Variants in MED13L observed in about 807,000 individuals in gnomAD.
The protein encoded by MED13L is mediator complex subunit 13L.
A neutral mutation model predicts 220.9 loss-of-function variants in MED13L; 7 were observed. The ratio of observed to expected loss-of-function variants is 0.03; its 90% CI spans 0.02 to 0.06. MED13L has a LOEUF of 0.06. Among genes scored for constraint, MED13L ranks in the 10% least tolerant of loss-of-function variants. The pLI is 1.00. For missense variants in MED13L, 1,965 were observed against 2,760.5 expected (o/e 0.71, Z 6.46); for synonymous variants, 1,011 against 1,015.2 (o/e 1.00, Z 0.08).
At chr12:116,007,662 A>G (rs1252318174) in intron 10 of MED13L, 26 bp from the exon 11 acceptor site, 3 of 1,567,046 alleles carry the variant, frequency 1.9e-6, no homozygotes, top group Non-Finnish European at 1.7e-6. Flanking sequence ...AAAAAAAAAA[A>G]AAAGAGCATT....
At chr12:116,269,735 GA>G (rs1346348471) in intron 1 of MED13L, among the ~76,000 whole-genome samples, 2 of 152,152 alleles carry the variant, frequency 1.3e-5, no homozygotes, top group Non-Finnish European at 2.9e-5. Flanking sequence ...ACAAAATGTA[GA>G]AAGCTGTCAG....
intron 3 of MED13L, among the ~76,000 whole-genome samples, chr12:116,105,166 CA>C (rs1873447508): frequency 6.6e-6 from 1 of 152,046 alleles, no homozygotes; most frequent in African/African-American, 2.4e-5. Context: ...TATTGATAGC[CA>C]AAGTACTTTT....
Position 116,096,872 on chromosome 12 carries a change from A to C in MED13L, c.396-120T>G, listed in dbSNP as rs956563503. On this transcript the variant is annotated intron_variant, in intron 3 of 30. Coordinates refer to ENST00000281928, the MANE Select transcript of MED13L (RefSeq NM_015335.5). ...TAAAAACACCACCAATTAAACTATC[A>C]AAATGTTTTATCACTTAAAATTTTT... is the stretch of plus-strand genomic sequence containing the variant. The C allele has an allele frequency of 4.0e-6, 3 of 749,636 alleles. No homozygotes were observed. The African/African-American group carries it at 5.3e-5, about 13-fold the overall frequency. 46.4% of individuals were successfully genotyped at this position (749,636 alleles called of 1,614,324 possible).
chr12:116,084,082 G>A (rs1283959673), intron 4 of MED13L, among the ~76,000 whole-genome samples: 1 of 152,192 alleles, frequency 6.6e-6, no homozygotes, highest in African/African-American at 2.4e-5. Context: ...TTCAAACACT[G>A]AGCCATGTTC....
intron 1 of MED13L, among the ~76,000 whole-genome samples, chr12:116,266,662 G>A (rs893662221): frequency 6.6e-6 from 1 of 152,154 alleles, no homozygotes; most frequent in East Asian, 1.9e-4. Context: ...CAATATACAA[G>A]GTAAATAGGC....
At chr12:116,163,701 T>C (rs911000922) in intron 2 of MED13L, among the ~76,000 whole-genome samples, 1 of 152,190 alleles carries the variant, frequency 6.6e-6, no homozygotes, top group Admixed American at 6.5e-5. Flanking sequence ...CAAAAATTCA[T>C]AGTAAAGCCC....
At position 116,225,430 on chromosome 12, in the gene MED13L, A is replaced by G. The variant is rs192079233; in HGVS notation, c.310+12038T>C. ...CTTTGTTATACTCTTCATGAAACCA[A>G]TAAACGGCATGACAAATGTTTCCAA... On this transcript the variant is annotated intron_variant, in intron 2 of 30. Transcript: ENST00000281928. Among the ~76,000 whole-genome samples the G allele has an allele frequency of 9.2e-5, 14 of 152,306 alleles. No homozygotes were observed. The East Asian group carries it at 2.7e-3, about 29-fold the overall frequency.
At chr12:116,154,076 A>C (rs1878255913) in intron 2 of MED13L, among the ~76,000 whole-genome samples, 1 of 152,226 alleles carries the variant, frequency 6.6e-6, no homozygotes, top group Non-Finnish European at 1.5e-5. Context: ...ATACTTACTG[A>C]ATTTTCTATG....
At chr12:116,206,702 T>C (rs1340305143) in intron 2 of MED13L, among the ~76,000 whole-genome samples, 1 of 152,078 alleles carries the variant, frequency 6.6e-6, no homozygotes, top group African/African-American at 2.4e-5. Context: ...AGCACTGATA[T>C]ACAACTGAGT....
At chr12:116,241,335 A>AC (rs1197060758) in intron 1 of MED13L, among the ~76,000 whole-genome samples, 21 of 150,644 alleles carry the variant, frequency 1.4e-4, no homozygotes, top group African/African-American at 4.9e-4. Context: ...AAAAAAACAA[A>AC]AAAAAAACAC....
At chr12:116,008,325 A>G (rs1409238785) in intron 10 of MED13L, 76 bp downstream of exon 10, 2 of 1,516,974 alleles carry the variant, frequency 1.3e-6, no homozygotes, top group Non-Finnish European at 1.8e-6. Flanking sequence ...TGAATCTGAA[A>G]GTTTAGCAGG....
Position 116,085,259 on chromosome 12 carries a change from C to T in MED13L, c.479+11410G>A, listed in dbSNP as rs556357712. The stretch of plus-strand genomic sequence containing the variant: ...ACTGTAGGCTTTCTATTAAAAAATA[C>T]TCATAGTAAAATAAGGGTCACAAAC... On this transcript the variant is annotated intron_variant, in intron 4 of 30. Coordinates refer to ENST00000281928, the MANE Select transcript of MED13L (RefSeq NM_015335.5). Among the ~76,000 whole-genome samples, 10 of 152,220 alleles carry T rather than the reference C, an allele frequency of 6.6e-5. 4 individuals carry two copies. Among genetic ancestry groups the T allele is most frequent in the African/African-American group, 2.2e-4 (9 of 41,534 alleles).
chr12:116,090,361 T>A (rs1380377375), intron 4 of MED13L, among the ~76,000 whole-genome samples: 1 of 152,228 alleles, frequency 6.6e-6, no homozygotes. Flanking sequence ...GTTAACATAA[T>A]CCTTCCCTCT....
chr12:115,999,364 C>G (rs1878601676), intron 14 of MED13L, among the ~76,000 whole-genome samples: 1 of 151,816 alleles, frequency 6.6e-6, no homozygotes, highest in African/African-American at 2.4e-5. Flanking sequence ...GCAATCCAGC[C>G]TCGGTGAAAG....
At chr12:116,183,408 T>C (rs1349161779) in intron 2 of MED13L, among the ~76,000 whole-genome samples, 2 of 152,196 alleles carry the variant, frequency 1.3e-5, no homozygotes, top group African/African-American at 4.8e-5. Context: ...CGTCAATCTG[T>C]AAAACTGAGT....
At chr12:116,269,909 C>G (rs1028747513) in intron 1 of MED13L, among the ~76,000 whole-genome samples, 1 of 151,420 alleles carries the variant, frequency 6.6e-6, no homozygotes, top group Non-Finnish European at 1.5e-5. Flanking sequence ...AACTGACTCT[C>G]CTGTCATCTA....
chr12:116,263,574 A>ATGTG (rs1593224294), intron 1 of MED13L, among the ~76,000 whole-genome samples: 2 of 152,226 alleles, frequency 1.3e-5, no homozygotes, highest in East Asian at 3.8e-4. Context: ...TGGGCTAGCT[A>ATGTG]CTAGCTATCT....
chr12:116,148,785 T>C (rs1294963864), intron 2 of MED13L: 1 of 157,086 alleles, frequency 6.4e-6, no homozygotes, highest in African/African-American at 2.4e-5. Flanking sequence ...AATGTAATAC[T>C]CTATTCGTCT....
At chr12:116,199,716 A>ATG (rs1326630617) in intron 2 of MED13L, among the ~76,000 whole-genome samples, 2 of 151,960 alleles carry the variant, frequency 1.3e-5, no homozygotes, top group Non-Finnish European at 2.9e-5. Context: ...ATTCAAACCT[A>ATG]TATCAGGAAA....
Sources: gnomAD v4.1 joint callset for allele counts (sites outside exome capture counted in the v4.1 genomes callset) on GRCh38, gnomAD v4.1.1 for gene constraint, MANE v1.5 for transcripts, NCBI Gene and HGNC (gene_info 2026-07-23, HGNC 2026-07-21) for gene names.